The following RSPH14 variants were observed in gnomAD, a reference collection of about 807,000 sequenced individuals.
RSPH14 encodes rhabdoid tumor deletion region gene 1.
In RSPH14, 20 loss-of-function variants were observed where a neutral mutation model predicts 26.7. The observed-to-expected ratio is 0.75, with a 90% CI of 0.53 to 1.09. The LOEUF (loss-of-function observed/expected upper bound fraction) is 1.09, where lower values mean the gene tolerates loss of function less well. RSPH14 is among the 50% of genes least tolerant of loss of function. The pLI, the probability that RSPH14 is intolerant of heterozygous loss-of-function variation, is 0.00. For missense variants in RSPH14, 449 were observed against 457.2 expected, an observed-to-expected ratio of 0.98 and a Z score of 0.16; for synonymous variants, 177 against 189.3, an observed-to-expected ratio of 0.93 and a Z score of 0.53.
chr22:23,161,609 C>T, the RSPH14 span: 8 of 1,488,716 alleles, frequency 5.4e-6, no homozygotes, highest in Non-Finnish European at 7.4e-6. Flanking sequence ...CACACACGGA[C>T]AGGAATTTCC....
At chr22:23,162,522 GC>G in the RSPH14 span, 1 of 415,700 alleles carries the variant, frequency 2.4e-6, no homozygotes, top group Non-Finnish European at 4.9e-6. Flanking sequence ...GACTTCAGAG[GC>G]CCTGCCAAGT....
chr22:23,114,187 T>C (rs997909137), intron 4 of RSPH14, among the ~76,000 whole-genome samples: 1 of 152,160 alleles, frequency 6.6e-6, no homozygotes, highest in African/African-American at 2.4e-5. Context: ...AGGGCTGGCC[T>C]GTCCATGGTG....
At chr22:23,146,544 G>T, upstream of RSPH14, 1 of 1,583,656 alleles carries the variant, frequency 6.3e-7, no homozygotes, top group South Asian at 1.1e-5. Flanking sequence ...GGAAACTCAT[G>T]GGTGAATCCC....
At chr22:23,134,217 T>A in intron 3 of RSPH14, 73 bp from the exon 4 acceptor site, 2 of 1,160,786 alleles carry the variant, frequency 1.7e-6, no homozygotes, top group Middle Eastern at 2.1e-4. Context: ...AGAGTCAGGG[T>A]CCCTGCTGGA....
rs931600774 is a variant in RSPH14, at chr22:23,071,588, C to A, written c.422-7455G>T. On this transcript the variant is annotated intron_variant, in intron 4 of 6. Coordinates refer to ENST00000216036, the MANE Select transcript of RSPH14 (RefSeq NM_014433.3). This position sits in a 1 kb window ranked among gnomAD's most constrained non-coding sequence, Gnocchi z 4.1. ...AATATTTATTGAGTGGTCACTCCCC[C>A]AGAGCTTGACGCTGGGGTGCACCGG... Among the ~76,000 whole-genome samples the A allele has an allele frequency of 2.0e-5, 3 of 152,200 alleles. No individual in the cohort carries two copies. Among genetic ancestry groups the A allele is most frequent in the African/African-American group, 7.2e-5 (3 of 41,448 alleles).
chr22:23,146,072 A>G, upstream of RSPH14: 1 of 956,214 alleles, frequency 1.0e-6, no homozygotes, highest in Non-Finnish European at 1.2e-6. Flanking sequence ...ACACCTGTCA[A>G]GGGGAGACCC....
At chr22:23,159,280 G>A in the RSPH14 span, 2 of 1,554,992 alleles carry the variant, frequency 1.3e-6, no homozygotes, top group Non-Finnish European at 1.7e-6. Context: ...TGTCACCATG[G>A]TGGGGCAGAG....
At chr22:23,127,335 A>C (rs1005434349) in intron 4 of RSPH14, among the ~76,000 whole-genome samples, 4 of 152,346 alleles carry the variant, frequency 2.6e-5, no homozygotes, top group South Asian at 2.1e-4. Context: ...TGTCCCTATC[A>C]GTGACCATCA....
At chr22:23,167,062 G>C in the RSPH14 span, among the ~76,000 whole-genome samples, 1 of 151,910 alleles carries the variant, frequency 6.6e-6, no homozygotes, top group African/African-American at 2.4e-5. Flanking sequence ...TGAAGAGATG[G>C]GACACACCTG....
chr22:23,167,126 C>CCT, the RSPH14 span, among the ~76,000 whole-genome samples: 10 of 152,068 alleles, frequency 6.6e-5, no homozygotes, highest in Non-Finnish European at 1.3e-4. Context: ...TGCTGCCAAC[C>CCT]CCACTTGGAG....
At chr22:23,076,379 C>T (rs2068507931) in intron 4 of RSPH14, among the ~76,000 whole-genome samples, 1 of 152,190 alleles carries the variant, frequency 6.6e-6, no homozygotes, top group African/African-American at 2.4e-5. Flanking sequence ...AGTCATGCCT[C>T]AGTGGCCCTG....
chr22:23,070,997 C>G (rs2068355500), intron 4 of RSPH14, among the ~76,000 whole-genome samples: 1 of 152,192 alleles, frequency 6.6e-6, no homozygotes, highest in East Asian at 1.9e-4. Context: ...GAGGGGCGGC[C>G]GGAGCCGATG....
intron 4 of RSPH14, among the ~76,000 whole-genome samples, chr22:23,127,511 A>G (rs1422587145): frequency 2.0e-5 from 3 of 152,006 alleles, no homozygotes; most frequent in Non-Finnish European, 4.4e-5. Context: ...CATCAAGGGG[A>G]GGAGGAGGAG....
chr22:23,070,412 CCGGA>C (rs1295169945), intron 4 of RSPH14: 2 of 146,778 alleles, frequency 1.4e-5, no homozygotes, highest in African/African-American at 4.9e-5. Flanking sequence ...ACCAGGCCGG[CCGGA>C]GCGTGTGCGC....
intron 4 of RSPH14, among the ~76,000 whole-genome samples, chr22:23,107,871 G>A (rs146605665): frequency 9.5e-4 from 145 of 152,278 alleles, no homozygotes; most frequent in African/African-American, 3.1e-3. Context: ...CCCATTGACC[G>A]ACGAAGCCAC....
At chr22:23,061,367 G>A (rs2068088846) in intron 6 of RSPH14, among the ~76,000 whole-genome samples, 1 of 152,152 alleles carries the variant, frequency 6.6e-6, no homozygotes, top group South Asian at 2.1e-4. Context: ...GCTCGGGGGA[G>A]ATAATTCTGA....
chr22:23,129,959 A>G (rs2070271945), intron 4 of RSPH14, among the ~76,000 whole-genome samples: 1 of 150,506 alleles, frequency 6.6e-6, no homozygotes, highest in South Asian at 2.1e-4. Flanking sequence ...GGAGAAAGAA[A>G]GAGAGAGGAA....
At chr22:23,114,812 T>C (rs1052116258) in intron 4 of RSPH14, among the ~76,000 whole-genome samples, 2 of 152,220 alleles carry the variant, frequency 1.3e-5, no homozygotes, top group African/African-American at 4.8e-5. Flanking sequence ...CATTCCCTCC[T>C]GCCTGTCCTC....
intron 4 of RSPH14, among the ~76,000 whole-genome samples, chr22:23,107,419 T>G (rs1315708435): frequency 2.0e-5 from 3 of 152,162 alleles, no homozygotes; most frequent in Non-Finnish European, 4.4e-5. Context: ...CGGTGGCCTT[T>G]CTTATCCCCA....
Sources: gnomAD v4.1 joint callset for allele counts (sites outside exome capture counted in the v4.1 genomes callset) on GRCh38, gnomAD v4.1.1 for gene constraint, Gnocchi (gnomAD v3.1) non-coding constraint, MANE v1.5 for transcripts, NCBI Gene and HGNC (gene_info 2026-07-23, HGNC 2026-07-21) for gene names.